The following PTPRE variants were observed in gnomAD, a reference collection of about 807,000 sequenced individuals.
The protein encoded by PTPRE is receptor-type tyrosine-protein phosphatase epsilon.
PTPRE carries 51 observed loss-of-function variants against 102.0 expected under a neutral mutation model. That is an observed-to-expected ratio of 0.50 (90% CI 0.40 to 0.63). The LOEUF is 0.63. Among genes scored for constraint, PTPRE ranks in the 30% least tolerant of loss-of-function variants. The pLI is 0.00. For missense variants in PTPRE, 752 were observed against 915.1 expected, an observed-to-expected ratio of 0.82 and a Z score of 2.30; for synonymous variants, 345 against 348.2, an observed-to-expected ratio of 0.99 and a Z score of 0.10.
intron 1 of PTPRE, among the ~76,000 whole-genome samples, chr10:127,946,762 G>A (rs766406951): frequency 5.9e-5 from 9 of 152,194 alleles, no homozygotes; most frequent in African/African-American, 9.7e-5. Context: ...CACAGGACAC[G>A]GCAGCTCGTG....
At chr10:127,997,481 G>A (rs1853390089) in intron 2 of PTPRE, among the ~76,000 whole-genome samples, 1 of 152,172 alleles carries the variant, frequency 6.6e-6, no homozygotes, top group African/African-American at 2.4e-5. Context: ...CACTTGAATA[G>A]TACATCCTTC....
At chr10:128,005,411 G>A (rs1289264001) in intron 2 of PTPRE, among the ~76,000 whole-genome samples, 4 of 152,214 alleles carry the variant, frequency 2.6e-5, no homozygotes, top group Non-Finnish European at 4.4e-5. Context: ...TTTTCACAAA[G>A]AGAGAACAGG....
intron 2 of PTPRE, among the ~76,000 whole-genome samples, chr10:128,033,639 A>G (rs1435960672): frequency 6.6e-6 from 1 of 152,144 alleles, no homozygotes; most frequent in Non-Finnish European, 1.5e-5. Flanking sequence ...TGTACACATC[A>G]TTTATTTACT....
At chr10:128,029,449 T>C (rs1380500188) in intron 2 of PTPRE, among the ~76,000 whole-genome samples, 1 of 152,066 alleles carries the variant, frequency 6.6e-6, no homozygotes, top group Non-Finnish European at 1.5e-5. Flanking sequence ...GGTGGCACAA[T>C]TGACCCTCTC....
intron 11 of PTPRE, among the ~76,000 whole-genome samples, chr10:128,066,650 T>A (rs887536934): frequency 2.6e-5 from 4 of 152,202 alleles, no homozygotes; most frequent in African/African-American, 9.7e-5. Flanking sequence ...AGTAAAAATA[T>A]GTGTATGCAA....
In PTPRE at chr10:128,025,304, G is replaced by T. The variant is rs997110101; in HGVS notation, c.-7-15571G>T. Among the ~76,000 whole-genome samples, 7 of 152,208 alleles carry T rather than the reference G, an allele frequency of 4.6e-5. No individual in the cohort carries two copies. In the South Asian group the frequency reaches 1.2e-3, roughly 27 times the overall value. The stretch of plus-strand genomic sequence containing the variant: ...TACTCTGCCAGCATCAGGGAATGGG[G>T]TCAGTGCTGTAACTCCCCAGTGAGG... On this transcript the variant is annotated intron_variant, in intron 2 of 20. Transcript: ENST00000254667.
At chr10:127,930,286 T>C (rs1847335056) in intron 1 of PTPRE, among the ~76,000 whole-genome samples, 1 of 152,136 alleles carries the variant, frequency 6.6e-6, no homozygotes, top group African/African-American at 2.4e-5. Flanking sequence ...TGTCAGACCC[T>C]GTAACCCCAC....
At chr10:127,988,794 G>A (rs1852356775) in intron 2 of PTPRE, among the ~76,000 whole-genome samples, 2 of 152,294 alleles carry the variant, frequency 1.3e-5, no homozygotes, top group East Asian at 3.9e-4. Flanking sequence ...ATGTACCCAT[G>A]TAAGAAACCT....
chr10:127,985,819 G>A (rs11015998), intron 2 of PTPRE, among the ~76,000 whole-genome samples: 18,885 of 151,402 alleles, frequency 0.12, 1,301 homozygotes, highest in African/African-American at 0.14. Flanking sequence ...GGCCGGGTGC[G>A]GTGGCTCACA....
intron 16 of PTPRE, 28 bp downstream of exon 16, chr10:128,072,242 A>T: frequency 6.3e-7 from 1 of 1,582,030 alleles, no homozygotes; most frequent in South Asian, 1.1e-5. Context: ...GGTTGTGTTT[A>T]TGCAGATGTG....
chr10:127,980,006 A>C (rs558075106), intron 1 of PTPRE, among the ~76,000 whole-genome samples: 1 of 152,304 alleles, frequency 6.6e-6, no homozygotes, highest in African/African-American at 2.4e-5. Flanking sequence ...AAACATCACG[A>C]GTCACTCTTT....
At chr10:128,029,065 C>T (rs1027336966) in intron 2 of PTPRE, among the ~76,000 whole-genome samples, 3 of 152,216 alleles carry the variant, frequency 2.0e-5, no homozygotes, top group Non-Finnish European at 2.9e-5. Context: ...TGCGACTCCT[C>T]GGAGGCAGAT....
chr10:127,963,861 G>A (rs545727920), intron 1 of PTPRE, among the ~76,000 whole-genome samples: 10 of 152,340 alleles, frequency 6.6e-5, no homozygotes, highest in East Asian at 1.9e-4. Context: ...CAGGGAGTCC[G>A]CAGTGGGCCA....
In PTPRE at chr10:128,028,733, C is replaced by T. The variant is rs1056513132; in HGVS notation, c.-7-12142C>T. ...AGAACACGAAGCCAAGGCCAGGAGT[C>T]GGGATCTGCTCCCAGGAAGAAGCCT... On this transcript the variant is annotated intron_variant, in intron 2 of 20. Transcript: ENST00000254667. The surrounding 1 kb of genome is among the most constrained non-coding windows in gnomAD (Gnocchi z 4.5). Among the ~76,000 whole-genome samples, 121 of 152,252 alleles carry T rather than the reference C, an allele frequency of 7.9e-4. 1 individual carries two copies. The highest frequency in any genetic ancestry group is 3.4e-3 in the Middle Eastern group (1 of 294).
intron 2 of PTPRE, among the ~76,000 whole-genome samples, chr10:127,997,934 T>C (rs1853440872): frequency 1.3e-5 from 2 of 152,206 alleles, no homozygotes; most frequent in African/African-American, 4.8e-5. Flanking sequence ...CTGTCCCCAT[T>C]CGTCATCACT....
intron 20 of PTPRE, among the ~76,000 whole-genome samples, chr10:128,080,887 C>A (rs1471233468): frequency 6.6e-6 from 1 of 152,144 alleles, no homozygotes; most frequent in Non-Finnish European, 1.5e-5. Context: ...ACTAAATAAC[C>A]ATCAGGCGTT....
chr10:128,053,558 T>TA (rs1848711013), intron 6 of PTPRE, among the ~76,000 whole-genome samples: 1 of 152,134 alleles, frequency 6.6e-6, no homozygotes, highest in Non-Finnish European at 1.5e-5. Context: ...GGATCCAGGA[T>TA]ACATACGTGT....
rs183471510 is a variant in PTPRE, at chr10:128,068,053, C to G, written c.844-70C>G. 512 of 1,534,612 alleles carry G rather than the reference C, an allele frequency of 3.3e-4. 1 individual carries two copies. In the African/African-American group the frequency reaches 6.5e-3, roughly 20 times the overall value. ...ACAGGGGAGCCCACGGCGGCGTCCTCAGAATGAGATGCTGGGGGAGCAGGG... is the reference window on the plus strand; with the variant it reads ...ACAGGGGAGCCCACGGCGGCGTCCTGAGAATGAGATGCTGGGGGAGCAGGG... On this transcript the variant is annotated intron_variant, in intron 11 of 20. Transcript: ENST00000254667.
chr10:127,927,301 A>G, intron 1 of PTPRE, among the ~76,000 whole-genome samples: 1 of 152,194 alleles, frequency 6.6e-6, no homozygotes, highest in East Asian at 1.9e-4. Context: ...TTGGAACACA[A>G]AACTATCATT....
Sources: gnomAD v4.1 joint callset for allele counts (sites outside exome capture counted in the v4.1 genomes callset) on GRCh38, gnomAD v4.1.1 for gene constraint, Gnocchi (gnomAD v3.1) non-coding constraint, MANE v1.5 for transcripts, NCBI Gene and HGNC (gene_info 2026-07-23, HGNC 2026-07-21) for gene names.